The following MAST4 variants were observed in gnomAD, a reference collection of about 807,000 sequenced individuals.
MAST4 encodes microtubule-associated serine/threonine-protein kinase 4.
In MAST4, 89 loss-of-function variants were observed where a neutral mutation model predicts 162.7. That is an observed-to-expected ratio of 0.55 (90% confidence interval 0.46 to 0.65). MAST4 has a LOEUF of 0.65. MAST4 is among the 30% of genes least tolerant of loss of function. The pLI is 0.00. For missense variants in MAST4, 3,153 were observed against 3,374.0 expected, an observed-to-expected ratio of 0.93 and a Z score of 1.62; for synonymous variants, 1,479 against 1,361.1, an observed-to-expected ratio of 1.09 and a Z score of -1.91.
intron 4 of MAST4, among the ~76,000 whole-genome samples, chr5:66,910,302 G>A (rs1403841567): frequency 6.6e-6 from 1 of 152,204 alleles, no homozygotes; most frequent in Non-Finnish European, 1.5e-5. Context: ...AGACTAAAGA[G>A]AATAGTGACA....
Position 66,597,027 on chromosome 5 carries a change from T to C in MAST4, c.363+9T>C. 7.0e-7 allele frequency: 1 copy of C among 1,422,982 alleles called. No homozygotes were observed. Among genetic ancestry groups the C allele is most frequent in the Non-Finnish European group, 9.1e-7 (1 of 1,096,016 alleles). The allele number at this position is 1,422,982 out of a possible 1,614,324, so 88.1% of individuals were successfully genotyped here. Reference sequence around the variant, plus strand: ...AGGAGCAGGACGAGGAGGTGGGCCTTTCCCCAGCTTGCCCACTCTGGGTTC... The same window carrying C: ...AGGAGCAGGACGAGGAGGTGGGCCTCTCCCCAGCTTGCCCACTCTGGGTTC... On this transcript the variant is annotated intron_variant, in intron 1 of 28. Transcript: ENST00000403625.
intron 13 of MAST4, among the ~76,000 whole-genome samples, chr5:67,119,077 A>G (rs1449497391): frequency 6.6e-6 from 1 of 152,242 alleles, no homozygotes; most frequent in Non-Finnish European, 1.5e-5. Flanking sequence ...AGCAGAAACT[A>G]GAGCACTTGA....
At chr5:66,984,612 A>G (rs1749255903) in intron 4 of MAST4, among the ~76,000 whole-genome samples, 1 of 152,028 alleles carries the variant, frequency 6.6e-6, no homozygotes, top group East Asian at 1.9e-4. Flanking sequence ...TAGAGGGTGG[A>G]TAGAGCTCAA....
At chr5:66,815,439 G>A (rs1357436486) in intron 3 of MAST4, among the ~76,000 whole-genome samples, 1 of 151,930 alleles carries the variant, frequency 6.6e-6, no homozygotes. Context: ...ATCTCTTACT[G>A]TACCTAATTT....
intron 5 of MAST4, among the ~76,000 whole-genome samples, chr5:67,080,284 G>T (rs1216277249): frequency 1.3e-5 from 2 of 152,142 alleles, no homozygotes; most frequent in African/African-American, 2.4e-5. Context: ...TGCCTTTTAT[G>T]TACCTACTTT....
chr5:66,659,062 TA>T (rs1198254213), intron 1 of MAST4, among the ~76,000 whole-genome samples: 1 of 151,564 alleles, frequency 6.6e-6, no homozygotes, highest in Non-Finnish European at 1.5e-5. Flanking sequence ...GCTTGCAAGG[TA>T]GGTGGGGAAG....
At chr5:66,878,877 C>G (rs1466429337) in intron 3 of MAST4, among the ~76,000 whole-genome samples, 2 of 152,184 alleles carry the variant, frequency 1.3e-5, no homozygotes, top group Non-Finnish European at 1.5e-5. Flanking sequence ...AGACCCCTAA[C>G]AATTCTATTG....
At chr5:66,808,926 G>C (rs895396002) in intron 3 of MAST4, among the ~76,000 whole-genome samples, 1 of 152,126 alleles carries the variant, frequency 6.6e-6, no homozygotes, top group Non-Finnish European at 1.5e-5. Context: ...ATAGAGATGA[G>C]CCAGACTCTG....
intron 6 of MAST4, among the ~76,000 whole-genome samples, chr5:67,091,096 A>T (rs2150797115): frequency 6.6e-6 from 1 of 152,318 alleles, no homozygotes; most frequent in Non-Finnish European, 1.5e-5. Flanking sequence ...CCTAAAGTGG[A>T]TTAAAGTAGG....
chr5:66,652,924 C>T (rs1441150505), intron 1 of MAST4, among the ~76,000 whole-genome samples: 1 of 152,166 alleles, frequency 6.6e-6, no homozygotes, highest in Non-Finnish European at 1.5e-5. Flanking sequence ...TCACTGTGCT[C>T]TTGATCTTTA....
chr5:67,104,693 G>T, intron 10 of MAST4, 118 bp downstream of exon 10: 2,001 of 372,240 alleles, frequency 5.4e-3, no homozygotes, highest in Non-Finnish European at 6.1e-3. Context: ...AAGCAAAAAA[G>T]AAGGAAAAAA....
chr5:66,778,327 TG>T (rs1255094570), intron 2 of MAST4, among the ~76,000 whole-genome samples: 1 of 152,166 alleles, frequency 6.6e-6, no homozygotes, highest in Non-Finnish European at 1.5e-5. Flanking sequence ...ACTGCCTTGG[TG>T]GTCTAGGTAA....
rs80058407 is a variant in MAST4, at chr5:66,937,610, C to T, written c.674+37628C>T. 2.8e-4 allele frequency among the ~76,000 whole-genome samples: 43 copies of T among 152,136 alleles called. No homozygotes were observed. In the East Asian group the frequency reaches 6.2e-3, roughly 22 times the overall value. On this transcript the variant is annotated intron_variant, in intron 4 of 28. Transcript: ENST00000403625. ...TTTTAACAAGGGTAGACATATGTTTCTATATTTGCTCTTCTTTTACAGGTT... is the reference window on the plus strand; with the variant it reads ...TTTTAACAAGGGTAGACATATGTTTTTATATTTGCTCTTCTTTTACAGGTT...
chr5:67,049,048 T>TATAA, intron 4 of MAST4, among the ~76,000 whole-genome samples: 1 of 113,118 alleles, frequency 8.8e-6, no homozygotes. Context: ...TATACGTGTA[T>TATAA]ATATATATAT....
At position 66,610,299 on chromosome 5, in the gene MAST4, C is replaced by A. The variant is rs546396442; in HGVS notation, c.363+13281C>A. ...TTTGGATTAGGGCTTACCCTAGAGA[C>A]CCAGCTTGATTACCTCTGTAATCCT... On this transcript the variant is annotated intron_variant, in intron 1 of 28. Coordinates refer to ENST00000403625, the MANE Select transcript of MAST4 (RefSeq NM_001164664.2). Among the ~76,000 whole-genome samples, 8 of 152,260 alleles carry A rather than the reference C, an allele frequency of 5.3e-5. No individual in the cohort carries two copies. In the South Asian group the frequency reaches 1.7e-3, roughly 32 times the overall value.
intron 4 of MAST4, among the ~76,000 whole-genome samples, chr5:66,941,403 A>G (rs1743355507): frequency 1.3e-5 from 2 of 152,090 alleles, no homozygotes; most frequent in Admixed American, 6.6e-5. Context: ...TTGCACTTTT[A>G]TGGTATGGAG....
Position 66,837,628 on chromosome 5 carries a change from C to T in MAST4, c.642+48834C>T, listed in dbSNP as rs187674914. On this transcript the variant is annotated intron_variant, in intron 3 of 28. Transcript: ENST00000403625. ...GTAGCTGGCTGCCCTATTGAACCAC[C>T]TGGAAAGCTTCCTAAAGCCTATAGT... Among the ~76,000 whole-genome samples the T allele has an allele frequency of 7.9e-5, 12 of 151,704 alleles. No individual in the cohort carries two copies. In the East Asian group the frequency reaches 1.2e-3, roughly 15 times the overall value.
intron 4 of MAST4, among the ~76,000 whole-genome samples, chr5:67,014,429 T>C (rs1451966084): frequency 6.6e-6 from 1 of 152,240 alleles, no homozygotes. Flanking sequence ...GTAATAGTTC[T>C]TGTTATGGAT....
intron 3 of MAST4, among the ~76,000 whole-genome samples, chr5:66,792,007 C>G (rs370637033): frequency 2.6e-5 from 4 of 152,118 alleles, no homozygotes; most frequent in African/African-American, 9.7e-5. Context: ...TACCACTTGT[C>G]GAACCACACA....
Sources: allele counts gnomAD v4.1 joint callset (sites outside exome capture counted in the v4.1 genomes callset), GRCh38; gene constraint gnomAD v4.1.1; transcripts MANE v1.5; gene names NCBI Gene and HGNC (gene_info 2026-07-23, HGNC 2026-07-21).